YWHAQ: variants seen among roughly 807,000 people sequenced by gnomAD.
YWHAQ encodes the protein 14-3-3 protein theta.
YWHAQ carries 6 observed loss-of-function variants against 28.3 expected under a neutral mutation model. The observed-to-expected ratio is 0.21, with a 90% CI of 0.12 to 0.42. The LOEUF is 0.42. YWHAQ is among the 10% of genes least tolerant of loss of function. YWHAQ has a pLI of 1.00. For missense variants in YWHAQ, 201 were observed against 305.6 expected (o/e 0.66, Z 2.55); for synonymous variants, 143 against 119.1 (o/e 1.20, Z -1.31).
At chr2:9,610,056 G>T (rs1026791242) in intron 2 of YWHAQ, among the ~76,000 whole-genome samples, 1 of 152,174 alleles carries the variant, frequency 6.6e-6, no homozygotes, top group East Asian at 1.9e-4. Flanking sequence ...ACAGTTACAT[G>T]ATTTTTTCCC....
chr2:9,627,905 A>C (rs989964190), intron 2 of YWHAQ, among the ~76,000 whole-genome samples: 2 of 152,160 alleles, frequency 1.3e-5, no homozygotes, highest in African/African-American at 4.8e-5. Flanking sequence ...GTTCACCCCA[A>C]AAAAACGGTA....
intron 2 of YWHAQ, among the ~76,000 whole-genome samples, chr2:9,621,235 A>G (rs1667136800): frequency 6.6e-6 from 1 of 152,150 alleles, no homozygotes; most frequent in South Asian, 2.1e-4. Context: ...GCCAATTAAG[A>G]CGTCTTACAC....
Position 9,630,541 on chromosome 2 carries a change from AG to A in YWHAQ, c.-82-8del. 7.6e-7 allele frequency: 1 copy of A among 1,307,858 alleles called. No individual in the cohort carries two copies. Among genetic ancestry groups the A allele is most frequent in the Non-Finnish European group, 1.0e-6 (1 of 982,692 alleles). 81.0% of individuals were successfully genotyped at this position (1,307,858 alleles called of 1,614,324 possible). A position where few individuals can be genotyped will look rare whatever the true frequency, so the allele number is the denominator to read the frequency against. ...GCGGGAGGAGCCTCGAGAGCTGCGG[AG>A]GGGCGGGGCGGCGAGGCGAGAACAA... is the stretch of plus-strand genomic sequence containing the variant. On this transcript the variant is annotated splice_polypyrimidine_tract_variant and splice_region_variant and intron_variant, in intron 1 of 5. Coordinates refer to ENST00000238081, the MANE Select transcript of YWHAQ (RefSeq NM_006826.4). The surrounding 1 kb of genome is among the most constrained non-coding windows in gnomAD (Gnocchi z 5.6).
intron 2 of YWHAQ, among the ~76,000 whole-genome samples, chr2:9,602,934 G>GCTGGT (rs1387509852): frequency 7.9e-6 from 1 of 126,246 alleles, no homozygotes; most frequent in Non-Finnish European, 1.6e-5. Flanking sequence ...TGTTGCCTAG[G>GCTGGT]CTGGTCTTGA....
rs76278872 is a variant in YWHAQ, at chr2:9,588,340, G to A, written c.419-12C>T. 1.5e-3 allele frequency: 2,361 copies of A among 1,600,500 alleles called. 35 individuals carry two copies. In the African/African-American group the frequency reaches 0.027, roughly 18 times the overall value. ...ATTATCTATCGTTTCTGTGAAGAGC[G>A]AAAAATAAGAAGTGCAATATTAAAA... On this transcript the variant is annotated splice_polypyrimidine_tract_variant and intron_variant, in intron 3 of 5. Coordinates refer to ENST00000238081, the MANE Select transcript of YWHAQ (RefSeq NM_006826.4).
At chr2:9,598,356 C>T (rs1031188985) in intron 2 of YWHAQ, among the ~76,000 whole-genome samples, 1 of 152,314 alleles carries the variant, frequency 6.6e-6, no homozygotes, top group African/African-American at 2.4e-5. Context: ...GACCATGTGA[C>T]CTGGCTGCCC....
intron 2 of YWHAQ, among the ~76,000 whole-genome samples, chr2:9,600,764 C>A (rs1303994399): frequency 6.6e-6 from 1 of 152,098 alleles, no homozygotes; most frequent in Non-Finnish European, 1.5e-5. Context: ...CAAACTGATG[C>A]AGCAAACTTC....
At chr2:9,604,433 A>T (rs1350079167) in intron 2 of YWHAQ, among the ~76,000 whole-genome samples, 1 of 152,226 alleles carries the variant, frequency 6.6e-6, no homozygotes, top group Non-Finnish European at 1.5e-5. Context: ...TCAGTGGAAT[A>T]AGCACTGGGC....
chr2:9,597,806 T>C (rs1666605050), intron 2 of YWHAQ, among the ~76,000 whole-genome samples: 1 of 150,796 alleles, frequency 6.6e-6, no homozygotes, highest in Admixed American at 6.6e-5. Context: ...TTTTTTTTAT[T>C]GAGACAGAGT....
In YWHAQ at chr2:9,588,433, T is replaced by A. The variant is rs531332618; in HGVS notation, c.419-105A>T. ...CTACTAGCTCTTGGTAGAACCAAGA[T>A]TTTTTCTCTGTATGGGTCTTTTAAA... is the stretch of plus-strand genomic sequence containing the variant. On this transcript the variant is annotated intron_variant, in intron 3 of 5. Coordinates refer to ENST00000238081, the MANE Select transcript of YWHAQ (RefSeq NM_006826.4). The A allele has an allele frequency of 1.7e-5, 23 of 1,338,960 alleles. No homozygotes were observed. In the East Asian group the frequency reaches 5.9e-4, roughly 34 times the overall value. 82.9% of individuals were successfully genotyped at this position (1,338,960 alleles called of 1,614,324 possible).
At chr2:9,617,623 A>G (rs963280823) in intron 2 of YWHAQ, among the ~76,000 whole-genome samples, 5 of 152,190 alleles carry the variant, frequency 3.3e-5, no homozygotes, top group African/African-American at 1.2e-4. Context: ...GTTACGTGTT[A>G]TCTTACCACA....
Position 9,618,525 on chromosome 2 carries a change from G to A in YWHAQ, c.294+11634C>T, listed in dbSNP as rs187060736. ...TTGTCTTTGTTTCATTTTCTTTTTTGAGACAGAGACTAGGTCTGTCACCCA... is the reference window on the plus strand; with the variant it reads ...TTGTCTTTGTTTCATTTTCTTTTTTAAGACAGAGACTAGGTCTGTCACCCA... On this transcript the variant is annotated intron_variant, in intron 2 of 5. Transcript: ENST00000238081. Among the ~76,000 whole-genome samples, 73 of 152,018 alleles carry A rather than the reference G, an allele frequency of 4.8e-4. No individual in the cohort carries two copies. In the East Asian group the frequency reaches 0.014, roughly 28 times the overall value.
intron 2 of YWHAQ, among the ~76,000 whole-genome samples, chr2:9,603,692 G>A (rs1666759868): frequency 4.6e-5 from 7 of 151,986 alleles, no homozygotes; most frequent in South Asian, 2.1e-4. Flanking sequence ...GGGAGGCTGA[G>A]GCAGATGGAT....
Position 9,630,580 on chromosome 2 carries a change from G to A in YWHAQ, c.-82-46C>T, listed in dbSNP as rs1471801164. 2.1e-6 allele frequency: 2 copies of A among 955,440 alleles called. No individual in the cohort carries two copies. The highest frequency in any genetic ancestry group is 3.0e-6 in the Non-Finnish European group (2 of 668,958). The allele number at this position is 955,440 out of a possible 1,614,324, so 59.2% of individuals were successfully genotyped here. On this transcript the variant is annotated intron_variant, in intron 1 of 5. Coordinates refer to ENST00000238081, the MANE Select transcript of YWHAQ (RefSeq NM_006826.4). The surrounding 1 kb of genome is among the most constrained non-coding windows in gnomAD (Gnocchi z 5.6). The stretch of plus-strand genomic sequence containing the variant: ...GAGGCGAGAACAAAAAGCAGAGAGG[G>A]AGCGCCGTCAGACAATGCGGCCCGC...
intron 2 of YWHAQ, among the ~76,000 whole-genome samples, chr2:9,605,802 T>TTTGC (rs1553373697): frequency 6.6e-6 from 1 of 151,538 alleles, no homozygotes; most frequent in Non-Finnish European, 1.5e-5. Flanking sequence ...ACTCAAGTGA[T>TTTGC]CTGCCCGCTG....
At chr2:9,602,829 T>TAAAAAAAA (rs869073430) in intron 2 of YWHAQ, among the ~76,000 whole-genome samples, 1 of 37,224 alleles carries the variant, frequency 2.7e-5, no homozygotes, top group Non-Finnish European at 5.0e-5. Context: ...ATGCCTAATT[T>TAAAAAAAA]AAAAAAAAAA....
chr2:9,616,981 G>C (rs1286223288), intron 2 of YWHAQ, among the ~76,000 whole-genome samples: 1 of 152,154 alleles, frequency 6.6e-6, no homozygotes, highest in East Asian at 1.9e-4. Flanking sequence ...TGTATTTGGA[G>C]ACAGAGTCTT....
intron 2 of YWHAQ, among the ~76,000 whole-genome samples, chr2:9,620,201 T>C (rs1220235352): frequency 6.6e-6 from 1 of 152,230 alleles, no homozygotes; most frequent in Non-Finnish European, 1.5e-5. Flanking sequence ...TATTTTTCCA[T>C]TTCTCTAAGT....
intron 2 of YWHAQ, among the ~76,000 whole-genome samples, chr2:9,622,081 T>C (rs1408481250): frequency 6.6e-6 from 1 of 151,728 alleles, no homozygotes; most frequent in Non-Finnish European, 1.5e-5. Context: ...AAATACCTAA[T>C]GTAGATGACG....
Sources: allele counts gnomAD v4.1 joint callset (sites outside exome capture counted in the v4.1 genomes callset), GRCh38; gene constraint gnomAD v4.1.1; non-coding constraint Gnocchi (gnomAD v3.1); transcripts MANE v1.5; gene names NCBI Gene and HGNC (gene_info 2026-07-23, HGNC 2026-07-21).